MYOM1: variants seen among roughly 807,000 people sequenced by gnomAD.
The protein encoded by MYOM1 is myomesin 1.
MYOM1 carries 164 observed loss-of-function variants against 205.3 expected under a neutral mutation model. The ratio of observed to expected loss-of-function variants is 0.80; its 90% CI spans 0.70 to 0.91. MYOM1 has a LOEUF of 0.91. Ranked by LOEUF, MYOM1 falls within the 40% of genes least tolerant of loss-of-function variation. The pLI is 0.00. For synonymous variants in MYOM1, 772 were observed against 789.4 expected, an observed-to-expected ratio of 0.98 and a Z score of 0.37; for missense variants, 2,011 against 2,127.3, an observed-to-expected ratio of 0.95 and a Z score of 1.08.
intron 10 of MYOM1, among the ~76,000 whole-genome samples, chr18:3,161,848 T>C (rs1468644623): frequency 1.3e-5 from 2 of 152,132 alleles, no homozygotes; most frequent in Non-Finnish European, 2.9e-5. Flanking sequence ...AATTAAGGGG[T>C]TGTACTAGGA....
In MYOM1 at chr18:3,179,153, G is replaced by A. The variant is rs2080692360; in HGVS notation, c.930-3019C>T. ...CAAAATGCTAGGATTACAGCCATGAGCCACTGTGCCTGGCCTGATCCACAT... is the reference window on the plus strand; with the variant it reads ...CAAAATGCTAGGATTACAGCCATGAACCACTGTGCCTGGCCTGATCCACAT... On this transcript the variant is annotated intron_variant, in intron 5 of 37. Coordinates refer to ENST00000356443, the MANE Select transcript of MYOM1 (RefSeq NM_003803.4). The surrounding 1 kb of genome is among the most constrained non-coding windows in gnomAD (Gnocchi z 4.4). Among the ~76,000 whole-genome samples the A allele has an allele frequency of 6.6e-6, 1 of 152,028 alleles. No individual in the cohort carries two copies. The highest frequency in any genetic ancestry group is 6.6e-5 in the Admixed American group (1 of 15,262).
At chr18:3,073,421 T>C (rs1177713342) in intron 36 of MYOM1, among the ~76,000 whole-genome samples, 1 of 152,238 alleles carries the variant, frequency 6.6e-6, no homozygotes, top group Non-Finnish European at 1.5e-5. Flanking sequence ...GACTCTTGAC[T>C]TCCCTGTCTA....
intron 9 of MYOM1, among the ~76,000 whole-genome samples, chr18:3,168,552 G>C (rs2080506527): frequency 6.6e-6 from 1 of 152,180 alleles, no homozygotes; most frequent in African/African-American, 2.4e-5. Context: ...GCCTCCCAAA[G>C]TGCTGAGATT....
the MYOM1 span, among the ~76,000 whole-genome samples, chr18:3,242,729 G>A: frequency 1.3e-3 from 204 of 152,172 alleles, 1 homozygote; most frequent in African/African-American, 4.5e-3. Context: ...GGCTAGTCTC[G>A]AACTCCTGAC....
In MYOM1 at chr18:3,084,043, C is replaced by A. The variant is rs1198781439; in HGVS notation, c.4340-16G>T. On this transcript the variant is annotated splice_polypyrimidine_tract_variant and intron_variant, in intron 31 of 37. Coordinates refer to ENST00000356443, the MANE Select transcript of MYOM1 (RefSeq NM_003803.4). ...TCCTTAAAGGCTGTGGAGAGAGATT[C>A]AGAGCCAAAACTTTAGCATAAAAAT... is the stretch of plus-strand genomic sequence containing the variant. The A allele has an allele frequency of 1.3e-6, 2 of 1,571,150 alleles. No homozygotes were observed. Among genetic ancestry groups the A allele is most frequent in the Non-Finnish European group, 8.6e-7 (1 of 1,156,312 alleles).
chr18:3,187,713 C>A, intron 4 of MYOM1, 76 bp from the exon 5 acceptor site: 1 of 1,380,094 alleles, frequency 7.2e-7, no homozygotes. Context: ...GCTAAAATAA[C>A]AAGTAGAAGG....
In MYOM1 at chr18:3,129,353, C is replaced by G. The variant is rs115240600; in HGVS notation, c.2673G>C (p.Leu891=). The change falls in exon 18 of 38, where the codon CTG becomes CTC. Residue 891 remains leucine, a synonymous_variant. Transcript: ENST00000356443. The part of the protein sequence containing the change: ...KPSLPSSSQN[L]GQTEVSKVSE... The stretch of plus-strand genomic sequence containing the variant: ...TTACTTTACTCACTTCTGTTTGGCC[C>G]AGGTTTTGAGAGCTACTGGGTAGTG... The G allele has an allele frequency of 2.4e-3, 3,922 of 1,613,892 alleles. 73 individuals are homozygous for G. The African/African-American group carries it at 0.045, about 18-fold the overall frequency.
At chr18:3,075,836 A>G in intron 34 of MYOM1, 75 bp from the exon 35 acceptor site, 1 of 1,317,928 alleles carries the variant, frequency 7.6e-7, no homozygotes, top group South Asian at 1.3e-5. Flanking sequence ...AAAATTCACA[A>G]CTGGAGATTG....
In MYOM1 at chr18:3,158,653, G is replaced by A. The variant is rs374759835; in HGVS notation, c.1502-3565C>T. Among the ~76,000 whole-genome samples the A allele has an allele frequency of 3.2e-4, 49 of 151,822 alleles. No homozygotes were observed. In the South Asian group the frequency reaches 6.9e-3, roughly 21 times the overall value. ...TTTTGAGATAGGGTCTCACTCTGTG[G>A]CCCAGGCTGGAGTGCAGTGAGGCAA... On this transcript the variant is annotated intron_variant, in intron 10 of 37. Transcript: ENST00000356443.
intron 33 of MYOM1, among the ~76,000 whole-genome samples, chr18:3,081,516 C>A (rs2079086495): frequency 6.6e-6 from 1 of 152,136 alleles, no homozygotes; most frequent in Non-Finnish European, 1.5e-5. Flanking sequence ...CTTTGCTGGC[C>A]TAATAGCAAT....
At chr18:3,243,936 C>G in the MYOM1 span, among the ~76,000 whole-genome samples, 1 of 152,260 alleles carries the variant, frequency 6.6e-6, no homozygotes, top group South Asian at 2.1e-4. Context: ...AACACCACCA[C>G]CTTACTCTGA....
At position 3,067,356 on chromosome 18, in the gene MYOM1, T is replaced by C. The variant is rs768421139; in HGVS notation, c.4964A>G (p.Glu1655Gly). The change falls in exon 38 of 38, where the codon GAG becomes GGG. Residue 1655 changes from glutamate (E) to glycine (G), a missense_variant. Transcript: ENST00000356443. ...CACGCTGACGGTGAAGTCGCTGGTC[T>C]CCGAGCCATACTTGTTCTTCACAAC... ...GLVVKNKYGS[E>G]TSDFTVSVFI... 3.1e-6 allele frequency: 5 copies of C among 1,612,476 alleles called. No individual in the cohort carries two copies. Among genetic ancestry groups the C allele is most frequent in the Non-Finnish European group, 4.2e-6 (5 of 1,179,876 alleles).
rs141252347 is a variant in MYOM1, at chr18:3,136,034, T to C, written c.2026-304A>G. On this transcript the variant is annotated intron_variant, in intron 14 of 37. Coordinates refer to ENST00000356443, the MANE Select transcript of MYOM1 (RefSeq NM_003803.4). ...GGAGATAATTGAATCATGGGGGCGG[T>C]TTCCCCCATACTGTTCTCGTGGTAG... Among the ~76,000 whole-genome samples, 819 of 152,150 alleles carry C rather than the reference T, an allele frequency of 5.4e-3. 3 individuals carry two copies. Among genetic ancestry groups the C allele is most frequent in the African/African-American group, 0.019 (784 of 41,484 alleles).
Position 3,075,658 on chromosome 18 carries a change from G to A in MYOM1, c.4685+67C>T, listed in dbSNP as rs150418311. On this transcript the variant is annotated intron_variant, in intron 35 of 37. Coordinates refer to ENST00000356443, the MANE Select transcript of MYOM1 (RefSeq NM_003803.4). ...GGCTCTTTCTAACACTCAGAGGGGC[G>A]AGCAGCATGCAAGCTTCCCGGGAAA... 2.6e-4 allele frequency: 400 copies of A among 1,527,866 alleles called. No homozygotes were observed. In the African/African-American group the frequency reaches 4.5e-3, roughly 17 times the overall value. 94.6% of individuals were successfully genotyped at this position (1,527,866 alleles called of 1,614,324 possible).
intron 9 of MYOM1, among the ~76,000 whole-genome samples, chr18:3,168,401 G>A (rs1381356443): frequency 1.3e-5 from 2 of 151,992 alleles, no homozygotes; most frequent in Non-Finnish European, 2.9e-5. Flanking sequence ...TGATTCTCCT[G>A]CTTCAGCCTC....
At chr18:3,136,371 T>G (rs1225492511) in intron 14 of MYOM1, among the ~76,000 whole-genome samples, 11 of 152,208 alleles carry the variant, frequency 7.2e-5, no homozygotes, top group Admixed American at 5.9e-4. Context: ...AGTCTTATTT[T>G]GAGGATCGTT....
chr18:3,085,415 A>G (rs1210095133), intron 30 of MYOM1, among the ~76,000 whole-genome samples: 7 of 151,804 alleles, frequency 4.6e-5, no homozygotes, highest in Non-Finnish European at 7.4e-5. Flanking sequence ...CTCACCTGCT[A>G]TCTGCATTTT....
chr18:3,215,079 G>T lies in MYOM1; in HGVS notation c.145C>A (p.Arg49Ser). The change falls in exon 2 of 38, where the codon CGC becomes AGC. Residue 49 changes from arginine (R) to serine (S), a missense_variant. By Grantham distance (110) the Arg-to-Ser change is moderately radical. Transcript: ENST00000356443. ...YTQGSTAYSS[R>S]SSAAHRRESE... The stretch of plus-strand genomic sequence containing the variant: ...TCCCGGCGGTGCGCGGCGGAGGAGC[G>T]GCTGCTGTAGGCCGTGGAGCCCTGG... 6.2e-7 allele frequency: 1 copy of T among 1,613,536 alleles called. No homozygotes were observed. Among genetic ancestry groups the T allele is most frequent in the Middle Eastern group, 1.7e-4 (1 of 6,040 alleles).
Position 3,138,485 on chromosome 18 carries a change from C to T in MYOM1, c.2026-2755G>A, listed in dbSNP as rs115111887. Among the ~76,000 whole-genome samples the T allele has an allele frequency of 3.9e-3, 600 of 152,234 alleles. 5 individuals are homozygous for T. The highest frequency in any genetic ancestry group is 0.014 in the African/African-American group (572 of 41,536). On this transcript the variant is annotated intron_variant, in intron 14 of 37. Transcript: ENST00000356443. ...ACACGCATGCTCTTGGCCTTGGTTTCGTCTTCTATGAAACGAGCAAATTTG... is the reference window on the plus strand; with the variant it reads ...ACACGCATGCTCTTGGCCTTGGTTTTGTCTTCTATGAAACGAGCAAATTTG...
Sources: allele counts gnomAD v4.1 joint callset (sites outside exome capture counted in the v4.1 genomes callset), GRCh38; gene constraint gnomAD v4.1.1; non-coding constraint Gnocchi (gnomAD v3.1); transcripts MANE v1.5; gene names NCBI Gene and HGNC (gene_info 2026-07-23, HGNC 2026-07-21).